Variants in CAMTA1 observed in about 807,000 individuals in gnomAD.
CAMTA1 encodes calmodulin binding transcription activator 1.
A neutral mutation model predicts 170.9 loss-of-function variants in CAMTA1; 27 were observed. That is an observed-to-expected ratio of 0.16 (90% CI 0.12 to 0.22). The LOEUF (loss-of-function observed/expected upper bound fraction) is 0.22, where lower values mean the gene tolerates loss of function less well. CAMTA1 is among the 10% of genes least tolerant of loss of function. The pLI is 1.00. For synonymous variants in CAMTA1, 833 were observed against 891.5 expected (o/e 0.93, Z 1.17); for missense variants, 1,619 against 2,217.2 (o/e 0.73, Z 5.42).
intron 6 of CAMTA1, among the ~76,000 whole-genome samples, chr1:7,569,903 C>A (rs1287087487): frequency 6.6e-6 from 1 of 152,220 alleles, no homozygotes; most frequent in Non-Finnish European, 1.5e-5. Context: ...TAGCTGCCAT[C>A]GTCAGGTCCC....
chr1:7,350,473 C>T (rs540364559), intron 5 of CAMTA1, among the ~76,000 whole-genome samples: 2 of 152,324 alleles, frequency 1.3e-5, no homozygotes, highest in South Asian at 4.1e-4. Flanking sequence ...CCAGAAAGAA[C>T]TCAAGGTGGA....
intron 21 of CAMTA1, among the ~76,000 whole-genome samples, chr1:7,753,347 GCGGC>G: frequency 6.6e-6 from 1 of 152,328 alleles, no homozygotes; most frequent in African/African-American, 2.4e-5. Context: ...GTCTGTAACT[GCGGC>G]CATCCGAGCT....
intron 4 of CAMTA1, among the ~76,000 whole-genome samples, chr1:7,145,682 G>A (rs1204398182): frequency 6.6e-6 from 1 of 152,180 alleles, no homozygotes; most frequent in Non-Finnish European, 1.5e-5. Context: ...ACTCCAGTCT[G>A]ATTGCATAGA....
At chr1:6,956,450 CTT>C (rs1019456460) in intron 3 of CAMTA1, among the ~76,000 whole-genome samples, 1 of 152,176 alleles carries the variant, frequency 6.6e-6, no homozygotes, top group African/African-American at 2.4e-5. Flanking sequence ...TCTTCACTCT[CTT>C]GTTTACCATT....
At chr1:7,550,836 C>T (rs1041819748) in intron 6 of CAMTA1, among the ~76,000 whole-genome samples, 2 of 149,692 alleles carry the variant, frequency 1.3e-5, no homozygotes, top group Admixed American at 6.7e-5. Flanking sequence ...GCCCCCTCAC[C>T]TGACCACACC....
At chr1:7,501,065 C>T (rs1197379014) in intron 6 of CAMTA1, among the ~76,000 whole-genome samples, 1 of 152,194 alleles carries the variant, frequency 6.6e-6, no homozygotes, top group East Asian at 1.9e-4. Context: ...AAGCGGTTAC[C>T]ACCCACCTGT....
intron 16 of CAMTA1, among the ~76,000 whole-genome samples, chr1:7,743,306 CAAT>C (rs1448745399): frequency 6.6e-6 from 1 of 151,866 alleles, no homozygotes; most frequent in South Asian, 2.1e-4. Flanking sequence ...AAATTATCCA[CAAT>C]AAGCATTTTT....
chr1:7,503,038 T>A (rs2094035142), intron 6 of CAMTA1, among the ~76,000 whole-genome samples: 1 of 152,158 alleles, frequency 6.6e-6, no homozygotes, highest in African/African-American at 2.4e-5. Flanking sequence ...AGCCGGGGCC[T>A]GGCACACAGA....
At chr1:7,130,780 G>A (rs116263190) in intron 4 of CAMTA1, among the ~76,000 whole-genome samples, 2,024 of 152,116 alleles carry the variant, frequency 0.013, 47 homozygotes, top group African/African-American at 0.046. Context: ...TTGTCTGTTT[G>A]CTATCCATAT....
At chr1:7,161,156 A>C (rs59734155) in intron 4 of CAMTA1, among the ~76,000 whole-genome samples, 2,618 of 151,986 alleles carry the variant, frequency 0.017, 72 homozygotes, top group African/African-American at 0.056. Flanking sequence ...ACAAGATCCA[A>C]ACTCCTGAAT....
intron 4 of CAMTA1, among the ~76,000 whole-genome samples, chr1:7,214,058 A>G (rs1242231908): frequency 6.6e-6 from 1 of 152,184 alleles, no homozygotes; most frequent in African/African-American, 2.4e-5. Flanking sequence ...GAATAGTGCC[A>G]CAATAAACAC....
intron 6 of CAMTA1, among the ~76,000 whole-genome samples, chr1:7,528,226 A>G (rs1183068360): frequency 1.3e-5 from 2 of 152,178 alleles, no homozygotes; most frequent in African/African-American, 4.8e-5. Context: ...AAAAAACAAC[A>G]AAAGTCGACT....
chr1:7,555,306 G>A (rs1194314310), intron 6 of CAMTA1, among the ~76,000 whole-genome samples: 2 of 152,126 alleles, frequency 1.3e-5, no homozygotes, highest in East Asian at 3.9e-4. Flanking sequence ...AAGCTTATTT[G>A]GGGGTGCATG....
chr1:7,383,491 G>A (rs1252043118), intron 5 of CAMTA1, among the ~76,000 whole-genome samples: 4 of 152,210 alleles, frequency 2.6e-5, no homozygotes, highest in Non-Finnish European at 5.9e-5. Flanking sequence ...ACTTCTGTGT[G>A]CCTCAGTCTT....
At chr1:7,704,158 A>G (rs1369234830) in intron 11 of CAMTA1, among the ~76,000 whole-genome samples, 1 of 149,998 alleles carries the variant, frequency 6.7e-6, no homozygotes, top group Non-Finnish European at 1.5e-5. Flanking sequence ...TGCATTGCAG[A>G]CGCCGCCGCC....
chr1:7,295,120 G>A (rs964369203), intron 5 of CAMTA1, among the ~76,000 whole-genome samples: 1 of 152,130 alleles, frequency 6.6e-6, no homozygotes, highest in African/African-American at 2.4e-5. Flanking sequence ...CATCTGACTC[G>A]GGCAGTTATG....
At chr1:7,714,806 G>A (rs760201908) in intron 11 of CAMTA1, among the ~76,000 whole-genome samples, 1 of 152,032 alleles carries the variant, frequency 6.6e-6, no homozygotes, top group African/African-American at 2.4e-5. Flanking sequence ...ACAGGTGTGA[G>A]CCACCACGTT....
intron 3 of CAMTA1, among the ~76,000 whole-genome samples, chr1:6,882,265 C>T (rs1393849483): frequency 2.6e-5 from 4 of 152,198 alleles, no homozygotes; most frequent in African/African-American, 9.7e-5. Flanking sequence ...AACAGCCAAG[C>T]TAAGTAGTTG....
intron 6 of CAMTA1, among the ~76,000 whole-genome samples, chr1:7,521,549 C>A (rs2094365807): frequency 6.6e-6 from 1 of 151,708 alleles, no homozygotes; most frequent in Non-Finnish European, 1.5e-5. Flanking sequence ...GTCCACAGTT[C>A]CTTTTTTTTT....
Sources: allele counts gnomAD v4.1 joint callset (sites outside exome capture counted in the v4.1 genomes callset), GRCh38; gene constraint gnomAD v4.1.1; transcripts MANE v1.5; gene names NCBI Gene and HGNC (gene_info 2026-07-23, HGNC 2026-07-21).